DDX10: variants seen among roughly 807,000 people sequenced by gnomAD.
DDX10 encodes DEAD-box helicase 10.
DDX10 carries 74 observed loss-of-function variants against 104.3 expected under a neutral mutation model. The observed-to-expected ratio is 0.71, with a 90% CI of 0.59 to 0.86. The LOEUF is 0.86. Ranked by LOEUF, DDX10 falls within the 40% of genes least tolerant of loss-of-function variation. DDX10 has a pLI of 0.00. For synonymous variants in DDX10, 351 were observed against 353.4 expected (o/e 0.99, Z 0.08); for missense variants, 952 against 1,040.0 (o/e 0.92, Z 1.16).
chr11:108,721,022 T>G (rs573753429), intron 12 of DDX10, among the ~76,000 whole-genome samples: 4 of 152,160 alleles, frequency 2.6e-5, no homozygotes, highest in South Asian at 4.1e-4. Context: ...ATAATCATAC[T>G]TTGAATATCA....
intron 13 of DDX10, among the ~76,000 whole-genome samples, chr11:108,777,540 C>T (rs1333707164): frequency 6.6e-6 from 1 of 152,080 alleles, no homozygotes; most frequent in East Asian, 1.9e-4. Flanking sequence ...CCAGGCTGGT[C>T]TCGAACTCCT....
chr11:108,857,860 A>T (rs1862891666), intron 16 of DDX10, among the ~76,000 whole-genome samples: 1 of 152,226 alleles, frequency 6.6e-6, no homozygotes, highest in African/African-American at 2.4e-5. Flanking sequence ...CAGAAGTTGC[A>T]AGTAAATATT....
At chr11:108,869,554 ACCC>A (rs1439994507) in intron 16 of DDX10, among the ~76,000 whole-genome samples, 1 of 152,044 alleles carries the variant, frequency 6.6e-6, no homozygotes, top group Non-Finnish European at 1.5e-5. Context: ...GGAATTTCTT[ACCC>A]TTCTAAAATT....
intron 13 of DDX10, among the ~76,000 whole-genome samples, chr11:108,766,125 G>A (rs980762198): frequency 2.0e-5 from 3 of 152,014 alleles, no homozygotes; most frequent in African/African-American, 4.8e-5. Flanking sequence ...ATTTTCCTTT[G>A]TTTTTGTTTT....
intron 10 of DDX10, among the ~76,000 whole-genome samples, chr11:108,715,251 A>C (rs1171166764): frequency 3.3e-5 from 5 of 152,196 alleles, no homozygotes; most frequent in Admixed American, 6.5e-5. Flanking sequence ...ATGGTGGCTC[A>C]CACCTGTAAC....
chr11:108,884,294 C>T (rs2726901), intron 16 of DDX10, among the ~76,000 whole-genome samples: 1 of 152,022 alleles, frequency 6.6e-6, no homozygotes, highest in South Asian at 2.1e-4. Context: ...TAGGCACAAA[C>T]CTTCCTTTAA....
chr11:108,681,595 A>G (rs1298293913), intron 6 of DDX10, among the ~76,000 whole-genome samples: 1 of 152,224 alleles, frequency 6.6e-6, no homozygotes, highest in African/African-American at 2.4e-5. Context: ...CAAATTGTGA[A>G]GGACACAACA....
At chr11:108,850,023 AC>A (rs1238661715) in intron 15 of DDX10, among the ~76,000 whole-genome samples, 4 of 152,114 alleles carry the variant, frequency 2.6e-5, no homozygotes, top group Non-Finnish European at 4.4e-5. Context: ...TTTTCAGAGT[AC>A]TAATAAAGCT....
chr11:108,859,081 T>C (rs1010253647), intron 16 of DDX10, among the ~76,000 whole-genome samples: 1 of 152,232 alleles, frequency 6.6e-6, no homozygotes, highest in Non-Finnish European at 1.5e-5. Flanking sequence ...CTTATTCAAA[T>C]GTGGTTAGAT....
chr11:108,834,757 C>G (rs953208463), intron 13 of DDX10, among the ~76,000 whole-genome samples: 4 of 151,820 alleles, frequency 2.6e-5, no homozygotes, highest in African/African-American at 9.7e-5. Context: ...GAAACCCTGT[C>G]TCTACTAAAA....
chr11:108,802,568 T>A (rs557782451), intron 13 of DDX10, among the ~76,000 whole-genome samples: 3 of 152,378 alleles, frequency 2.0e-5, no homozygotes, highest in African/African-American at 7.2e-5. Flanking sequence ...CTTCTGGTTC[T>A]ATCATGTTTA....
At chr11:108,887,670 T>G (rs1168274855) in intron 16 of DDX10, among the ~76,000 whole-genome samples, 1 of 151,934 alleles carries the variant, frequency 6.6e-6, no homozygotes, top group Non-Finnish European at 1.5e-5. Flanking sequence ...ATTCCAGCTC[T>G]TTGGGAGGCC....
chr11:108,862,433 T>C (rs757825454), intron 16 of DDX10, among the ~76,000 whole-genome samples: 2 of 152,236 alleles, frequency 1.3e-5, no homozygotes, highest in Non-Finnish European at 2.9e-5. Flanking sequence ...GGATAACTCT[T>C]GTAATTCTAG....
At chr11:108,819,689 C>G (rs1042034213) in intron 13 of DDX10, among the ~76,000 whole-genome samples, 2 of 152,078 alleles carry the variant, frequency 1.3e-5, no homozygotes, top group Non-Finnish European at 2.9e-5. Context: ...ACCTCCGCCT[C>G]CCAGGTTCAA....
At chr11:108,716,956 G>A (rs2094292295) in intron 11 of DDX10, among the ~76,000 whole-genome samples, 1 of 151,856 alleles carries the variant, frequency 6.6e-6, no homozygotes, top group South Asian at 2.1e-4. Context: ...ATATTCCACA[G>A]TAGATTCTTC....
chr11:108,937,837 T>C (rs963932073), intron 17 of DDX10, among the ~76,000 whole-genome samples: 4 of 152,218 alleles, frequency 2.6e-5, no homozygotes, highest in Non-Finnish European at 4.4e-5. Flanking sequence ...GCCATGCTTT[T>C]GCTTTTTAAG....
At chr11:108,706,657 A>T in intron 9 of DDX10, 82 bp from the exon 10 acceptor site, 1 of 1,088,976 alleles carries the variant, frequency 9.2e-7, no homozygotes, top group Non-Finnish European at 1.4e-6. Flanking sequence ...AATGGTTTCC[A>T]TGTTTACCTA....
At chr11:108,677,774 G>T (rs1226945307) in intron 4 of DDX10, among the ~76,000 whole-genome samples, 23 of 150,818 alleles carry the variant, frequency 1.5e-4, no homozygotes. Context: ...ATGCAAACAT[G>T]CACAAAAGAA....
At position 108,750,768 on chromosome 11, in the gene DDX10, C is replaced by CT. The variant is rs1168510634; in HGVS notation, c.1965+27315dup. Among the ~76,000 whole-genome samples the CT allele has an allele frequency of 6.8e-5, 10 of 148,136 alleles. No individual in the cohort carries two copies. The East Asian group carries it at 1.2e-3, about 17-fold the overall frequency. On this transcript the variant is annotated intron_variant, in intron 13 of 17. Transcript: ENST00000322536. ...TCTATATTGTATATTTAACTTTTTTCTTTTTTTTTGAGACAGGGTCTCACT... is the reference window on the plus strand; with the variant it reads ...TCTATATTGTATATTTAACTTTTTTCTTTTTTTTTTGAGACAGGGTCTCACT...
Sources: allele counts gnomAD v4.1 joint callset (sites outside exome capture counted in the v4.1 genomes callset), GRCh38; gene constraint gnomAD v4.1.1; transcripts MANE v1.5; gene names NCBI Gene and HGNC (gene_info 2026-07-23, HGNC 2026-07-21).